The following ARHGAP24 variants were observed in gnomAD, a reference collection of about 807,000 sequenced individuals.
ARHGAP24 encodes the protein rho GTPase-activating protein 24.
In ARHGAP24, 50 loss-of-function variants were observed where a neutral mutation model predicts 76.4. The ratio of observed to expected loss-of-function variants is 0.65; its 90% confidence interval spans 0.52 to 0.83. The LOEUF is 0.83. Ranked by LOEUF, ARHGAP24 falls within the 40% of genes least tolerant of loss-of-function variation. ARHGAP24 has a pLI of 0.00. For missense variants in ARHGAP24, 930 were observed against 914.2 expected, an observed-to-expected ratio of 1.02 and a Z score of -0.22; for synonymous variants, 345 against 323.3, an observed-to-expected ratio of 1.07 and a Z score of -0.72.
Position 85,994,903 on chromosome 4 carries a change from C to T in ARHGAP24, c.1249C>T (p.Pro417Ser). ...VHKLDVSRSP[P>S]LMVKKNPAFN... ...CAAGCTAGATGTGTCTAGAAGCCCC[C>T]CTCTCATGGTCAAAAAGAACCCAGC... Residue 417 changes from proline (P) to serine (S), a missense_variant, in exon 9 of 10, where the codon CCT (proline) becomes TCT (serine). Coordinates refer to ENST00000395184, the MANE Select transcript of ARHGAP24 (RefSeq NM_001025616.3). 1.9e-6 allele frequency: 3 copies of T among 1,614,032 alleles called. No homozygotes were observed. Among genetic ancestry groups the T allele is most frequent in the Non-Finnish European group, 2.5e-6 (3 of 1,180,022 alleles).
intron 3 of ARHGAP24, among the ~76,000 whole-genome samples, chr4:85,753,469 T>C (rs1484207326): frequency 6.6e-6 from 1 of 152,226 alleles, no homozygotes; most frequent in African/African-American, 2.4e-5. Context: ...AGACCTGCCT[T>C]TACTCTGTTT....
chr4:85,765,714 T>TA, intron 3 of ARHGAP24, among the ~76,000 whole-genome samples: 1 of 152,232 alleles, frequency 6.6e-6, no homozygotes, highest in East Asian at 1.9e-4. Context: ...TATGAGTGTT[T>TA]ATCATGAAAA....
At chr4:85,799,471 C>T (rs1415042987) in intron 3 of ARHGAP24, among the ~76,000 whole-genome samples, 1 of 152,018 alleles carries the variant, frequency 6.6e-6, no homozygotes, top group Non-Finnish European at 1.5e-5. Context: ...TGAGTCTATA[C>T]TAATAGAAAT....
intron 1 of ARHGAP24, among the ~76,000 whole-genome samples, chr4:85,517,497 T>C (rs1724555734): frequency 6.6e-6 from 1 of 152,222 alleles, no homozygotes. Context: ...AAATTATTAA[T>C]AGCCTAAAAG....
At chr4:85,527,359 T>A (rs1250207537) in intron 1 of ARHGAP24, among the ~76,000 whole-genome samples, 1 of 152,002 alleles carries the variant, frequency 6.6e-6, no homozygotes, top group Non-Finnish European at 1.5e-5. Flanking sequence ...CATAGGTAGA[T>A]TAGGGTATAT....
chr4:85,516,145 A>G (rs1400173218), intron 1 of ARHGAP24, among the ~76,000 whole-genome samples: 1 of 152,188 alleles, frequency 6.6e-6, no homozygotes, highest in Non-Finnish European at 1.5e-5. Context: ...ACACTAGGTG[A>G]ATGGGCATGT....
chr4:85,806,547 GGTAGCA>G (rs1235459326), intron 3 of ARHGAP24, among the ~76,000 whole-genome samples: 6 of 152,066 alleles, frequency 3.9e-5, no homozygotes, highest in African/African-American at 1.5e-4. Flanking sequence ...CCCTCCCATG[GGTAGCA>G]GTTGTTCCCT....
intron 5 of ARHGAP24, among the ~76,000 whole-genome samples, chr4:85,951,021 T>G (rs1737584284): frequency 6.6e-6 from 1 of 152,164 alleles, no homozygotes; most frequent in African/African-American, 2.4e-5. Context: ...GAAATGGAAA[T>G]CTGTCAAAAT....
At chr4:85,712,968 A>G (rs1578163382) in intron 2 of ARHGAP24, among the ~76,000 whole-genome samples, 3 of 152,240 alleles carry the variant, frequency 2.0e-5, no homozygotes, top group Admixed American at 2.0e-4. Flanking sequence ...CCCCTGTGCA[A>G]CCCTGCCGTC....
chr4:85,704,864 T>A (rs543871818), intron 2 of ARHGAP24, among the ~76,000 whole-genome samples: 16 of 152,274 alleles, frequency 1.1e-4, no homozygotes, highest in Non-Finnish European at 2.2e-4. Context: ...AGAATTTTTT[T>A]AATGAAAAGT....
chr4:85,805,423 T>G (rs145642003), intron 3 of ARHGAP24, among the ~76,000 whole-genome samples: 1 of 152,284 alleles, frequency 6.6e-6, no homozygotes, highest in East Asian at 1.9e-4. Context: ...ACAGAGTCAT[T>G]TCTGCTGCAC....
chr4:85,746,594 T>C (rs1290822877), intron 3 of ARHGAP24, among the ~76,000 whole-genome samples: 1 of 152,194 alleles, frequency 6.6e-6, no homozygotes, highest in Non-Finnish European at 1.5e-5. Context: ...ATGTATCTTT[T>C]AACCACACGC....
intron 4 of ARHGAP24, among the ~76,000 whole-genome samples, chr4:85,940,106 AC>A (rs1037268105): frequency 6.6e-6 from 1 of 152,106 alleles, no homozygotes; most frequent in African/African-American, 2.4e-5. Context: ...CAGTTTGTAA[AC>A]CTTATTATTA....
intron 3 of ARHGAP24, among the ~76,000 whole-genome samples, chr4:85,729,482 A>T (rs1725307033): frequency 6.6e-6 from 1 of 152,194 alleles, no homozygotes; most frequent in South Asian, 2.1e-4. Flanking sequence ...TTCAACCAAC[A>T]TACATTTGGG....
chr4:85,554,585 C>G (rs1006272050), intron 1 of ARHGAP24, among the ~76,000 whole-genome samples: 2 of 152,030 alleles, frequency 1.3e-5, no homozygotes, highest in African/African-American at 2.4e-5. Flanking sequence ...GCTGTTAATG[C>G]TTGTGATTGC....
chr4:85,967,236 A>G (rs1392215113), intron 5 of ARHGAP24, among the ~76,000 whole-genome samples: 11 of 152,134 alleles, frequency 7.2e-5, no homozygotes, highest in Non-Finnish European at 1.2e-4. Context: ...AATATACAGA[A>G]AGTGTTACGA....
At chr4:85,737,020 A>C (rs1362431048) in intron 3 of ARHGAP24, among the ~76,000 whole-genome samples, 3 of 152,142 alleles carry the variant, frequency 2.0e-5, no homozygotes, top group African/African-American at 7.2e-5. Flanking sequence ...TCTTTCCCCT[A>C]GTTGATGTGT....
rs988077662 is a variant in ARHGAP24 at position 85,495,352 on chromosome 4, T to G, written c.-21+19793T>G. On this transcript the variant is annotated intron_variant, in intron 1 of 9. Transcript: ENST00000395184. ...TACAGAAGTACAGAATTTTTTTTTT[T>G]TTTTTTTTTTTTTTTTGAGATGGAG... Among the ~76,000 whole-genome samples, 636 of 126,272 alleles carry G rather than the reference T, an allele frequency of 5.0e-3. 6 individuals carry two copies. Among genetic ancestry groups the G allele is most frequent in the African/African-American group, 0.018 (607 of 33,584 alleles). The allele number at this position is 126,272 out of a possible 152,430, so 82.8% of individuals were successfully genotyped here.
At chr4:85,954,420 A>C (rs761862607) in intron 5 of ARHGAP24, among the ~76,000 whole-genome samples, 1 of 152,114 alleles carries the variant, frequency 6.6e-6, no homozygotes, top group Non-Finnish European at 1.5e-5. Context: ...TGCCTTCCCC[A>C]TGCCAATTTA....
Sources: gnomAD v4.1 joint callset for allele counts (sites outside exome capture counted in the v4.1 genomes callset) on GRCh38, gnomAD v4.1.1 for gene constraint, MANE v1.5 for transcripts, NCBI Gene and HGNC (gene_info 2026-07-23, HGNC 2026-07-21) for gene names.